The following ZC3H7A variants were observed in gnomAD, a reference collection of about 807,000 sequenced individuals.
ZC3H7A encodes the protein zinc finger CCCH domain-containing protein 7A.
Under a neutral mutation model 125.5 loss-of-function variants are expected in ZC3H7A, and 44 were observed. The ratio of observed to expected loss-of-function variants is 0.35; its 90% CI spans 0.28 to 0.45. The LOEUF is 0.45. Ranked by LOEUF, ZC3H7A falls within the 20% of genes least tolerant of loss-of-function variation. The pLI is 1.00. For synonymous variants in ZC3H7A, 399 were observed against 391.2 expected, an observed-to-expected ratio of 1.02 and a Z score of -0.23; for missense variants, 977 against 1,170.7, an observed-to-expected ratio of 0.83 and a Z score of 2.41.
At chr16:11,761,022 A>G (rs184996000) in intron 19 of ZC3H7A, among the ~76,000 whole-genome samples, 18 of 152,308 alleles carry the variant, frequency 1.2e-4, no homozygotes, top group Admixed American at 7.9e-4. Context: ...CATGATAAAA[A>G]CAAACTCATC....
At chr16:11,756,706 C>T (rs1331244264) in intron 20 of ZC3H7A, among the ~76,000 whole-genome samples, 2 of 152,216 alleles carry the variant, frequency 1.3e-5, no homozygotes, top group Non-Finnish European at 2.9e-5. Flanking sequence ...CTCTGTCGCC[C>T]TACGTTCCAC....
chr16:11,772,150 G>C (rs571418264), intron 9 of ZC3H7A, among the ~76,000 whole-genome samples: 1 of 151,118 alleles, frequency 6.6e-6, no homozygotes, highest in Non-Finnish European at 1.5e-5. Context: ...AGCCAAGATC[G>C]CACCACTGCA....
chr16:11,786,156 C>T lies in ZC3H7A; in HGVS notation c.-34-3768G>A, dbSNP rs200967827. On this transcript the variant is annotated intron_variant, in intron 1 of 22. Transcript: ENST00000355758. Reference sequence around the variant, plus strand: ...AACAAATTTTTAAAGTTTATGTATCCTCTGAGCCCTTCCTTGGAAAGATGA... The same window carrying T: ...AACAAATTTTTAAAGTTTATGTATCTTCTGAGCCCTTCCTTGGAAAGATGA... Among the ~76,000 whole-genome samples the T allele has an allele frequency of 8.5e-5, 13 of 152,268 alleles. No homozygotes were observed. In the East Asian group the frequency reaches 1.9e-3, roughly 23 times the overall value.
intron 1 of ZC3H7A, among the ~76,000 whole-genome samples, chr16:11,784,523 A>G (rs2053223277): frequency 6.6e-6 from 1 of 151,934 alleles, no homozygotes; most frequent in Non-Finnish European, 1.5e-5. Context: ...GTTCAAGACC[A>G]ACCTGGGCAA....
At chr16:11,776,598 A>T (rs2053084531) in intron 5 of ZC3H7A, 66 bp from the exon 6 acceptor site, 1 of 1,516,814 alleles carries the variant, frequency 6.6e-7, no homozygotes, top group Admixed American at 2.2e-5. Flanking sequence ...GAATAGACAA[A>T]ACAGGGAAGT....
At chr16:11,751,657 C>A (rs990976726) in intron 22 of ZC3H7A, 151 bp from the exon 23 acceptor site, 4 of 725,150 alleles carry the variant, frequency 5.5e-6, no homozygotes, top group Non-Finnish European at 8.6e-6. Context: ...TATTTTATAG[C>A]CATGACATCT....
intron 1 of ZC3H7A, among the ~76,000 whole-genome samples, chr16:11,787,900 C>T (rs1449114352): frequency 1.3e-5 from 2 of 151,480 alleles, no homozygotes; most frequent in South Asian, 2.1e-4. Context: ...GAGCCAAGAT[C>T]GCGTCATTGC....
chr16:11,784,974 C>G (rs2053233739), intron 1 of ZC3H7A, among the ~76,000 whole-genome samples: 1 of 151,562 alleles, frequency 6.6e-6, no homozygotes, highest in Non-Finnish European at 1.5e-5. Context: ...GCCTGGCCAA[C>G]ATGGGGAAAC....
Position 11,776,495 on chromosome 16 carries a change from T to C in ZC3H7A, c.503A>G (p.Gln168Arg). The change falls in exon 6 of 23, where the codon CAG (glutamine) becomes CGG (arginine). Residue 168 changes from glutamine to arginine, a missense_variant. Physicochemically the swap from Gln to Arg is conservative, Grantham distance 43. Transcript: ENST00000355758. ...TTTTCTTATTTTAAATCCCAATTTC[T>C]GAGCTAGTTCTTGAGTTAGTTTTAT... ...HVIKLTQELA[Q>R]KLGFKIRKAY... 2 of 1,612,220 alleles carry C rather than the reference T, an allele frequency of 1.2e-6. No individual in the cohort carries two copies.
Position 11,770,818 on chromosome 16 carries a change from G to C in ZC3H7A, c.1073C>G (p.Ser358Cys). 6.2e-7 allele frequency: 1 copy of C among 1,613,996 alleles called. No individual in the cohort carries two copies. Among genetic ancestry groups the C allele is most frequent in the Non-Finnish European group, 8.5e-7 (1 of 1,179,980 alleles). Reference protein sequence around the residue: ...LTSSLEDFCSSLNSFSMSESK... With the variant: ...LTSSLEDFCSCLNSFSMSESK... ...TTCACTCATTGAAAATGAATTTAAA[G>C]AAGAACAAAAATCTTCTAAGGATGA... Residue 358 changes from serine (S) to cysteine (C), a missense_variant, in exon 10 of 23, where the codon TCT (serine) becomes TGT (cysteine). By Grantham distance (112) the Ser-to-Cys change is moderately radical. Coordinates refer to ENST00000355758, the MANE Select transcript of ZC3H7A (RefSeq NM_014153.4).
rs142416432 is a variant in ZC3H7A, at chr16:11,779,114, T to C, written c.306+52A>G. On this transcript the variant is annotated intron_variant, in intron 4 of 22. Coordinates refer to ENST00000355758, the MANE Select transcript of ZC3H7A (RefSeq NM_014153.4). ...GACTTTTTATTAATGTACTAAGTCA[T>C]TGAAAAAATTCTTTTCACTCTAGAA... 2.5e-4 allele frequency: 358 copies of C among 1,409,498 alleles called. 1 individual carries two copies. The African/African-American group carries it at 4.4e-3, about 17-fold the overall frequency. The allele number at this position is 1,409,498 out of a possible 1,614,324, so 87.3% of individuals were successfully genotyped here.
Position 11,778,436 on chromosome 16 carries a change from C to CA in ZC3H7A, c.306+729dup, listed in dbSNP as rs754842530. The stretch of plus-strand genomic sequence containing the variant: ...TGGGTGACAGAGCGAGACACTGTCT[C>CA]AAAAAAAAAAAAAAAAAAAAAAACA... On this transcript the variant is annotated intron_variant, in intron 4 of 22. Transcript: ENST00000355758. 8.3e-3 allele frequency among the ~76,000 whole-genome samples: 609 copies of CA among 73,784 alleles called. 6 individuals carry two copies. Among genetic ancestry groups the CA allele is most frequent in the Non-Finnish European group, 9.9e-3 (386 of 38,894 alleles). The allele number at this position is 73,784 out of a possible 152,430, so 48.4% of individuals were successfully genotyped here. A position where few individuals can be genotyped will look rare whatever the true frequency, so the allele number is the denominator to read the frequency against.
intron 1 of ZC3H7A, among the ~76,000 whole-genome samples, chr16:11,788,514 C>T (rs1363787464): frequency 6.6e-6 from 1 of 152,224 alleles, no homozygotes; most frequent in Non-Finnish European, 1.5e-5. Flanking sequence ...CACTTAGCCA[C>T]CCATTTGCCC....
intron 21 of ZC3H7A, among the ~76,000 whole-genome samples, chr16:11,755,259 G>T (rs1181445333): frequency 6.6e-6 from 1 of 151,718 alleles, no homozygotes; most frequent in Non-Finnish European, 1.5e-5. Context: ...GGTAAACATG[G>T]CCTGGAAAAA....
chr16:11,770,532 T>C (rs918459104), intron 10 of ZC3H7A, among the ~76,000 whole-genome samples: 3 of 152,232 alleles, frequency 2.0e-5, no homozygotes, highest in Non-Finnish European at 4.4e-5. Flanking sequence ...AACTCCCAGC[T>C]TAACAAACTA....
At chr16:11,796,809 A>T (rs886761264) in intron 1 of ZC3H7A, 5 of 151,982 alleles carry the variant, frequency 3.3e-5, no homozygotes, top group African/African-American at 1.2e-4. Context: ...TAACCAAAAA[A>T]AAAATTTTTT....
Position 11,765,339 on chromosome 16 carries a change from A to T in ZC3H7A, c.1719+150T>A. 1.6e-6 allele frequency: 1 copy of T among 610,196 alleles called. No homozygotes were observed. The highest frequency in any genetic ancestry group is 2.6e-6 in the Non-Finnish European group (1 of 389,296). 37.8% of individuals were successfully genotyped at this position (610,196 alleles called of 1,614,324 possible). A position where few individuals can be genotyped will look rare whatever the true frequency, so the allele number is the denominator to read the frequency against. ...TTTATCACATGGGAGGACCAGAGGA[A>T]TATTTTATTCATAAATATGATATTA... On this transcript the variant is annotated intron_variant, in intron 14 of 22. Transcript: ENST00000355758. The surrounding 1 kb of genome is among the most constrained non-coding windows in gnomAD (Gnocchi z 4.8).
chr16:11,773,233 T>C (rs1034208602), intron 9 of ZC3H7A, among the ~76,000 whole-genome samples: 1 of 151,812 alleles, frequency 6.6e-6, no homozygotes, highest in Non-Finnish European at 1.5e-5. Context: ...CAGGCTAGAG[T>C]GCATGGCACA....
chr16:11,787,737 G>A (rs1451489546), intron 1 of ZC3H7A, among the ~76,000 whole-genome samples: 2 of 152,122 alleles, frequency 1.3e-5, no homozygotes, highest in Admixed American at 6.5e-5. Flanking sequence ...CCTGAGGTCA[G>A]GAGTTCGAGA....
Sources: gnomAD v4.1 joint callset for allele counts (sites outside exome capture counted in the v4.1 genomes callset) on GRCh38, gnomAD v4.1.1 for gene constraint, Gnocchi (gnomAD v3.1) non-coding constraint, MANE v1.5 for transcripts, NCBI Gene and HGNC (gene_info 2026-07-23, HGNC 2026-07-21) for gene names.